Variants in RPS6KC1 observed in about 807,000 individuals in gnomAD.
RPS6KC1 encodes the protein ribosomal protein S6 kinase C1.
In RPS6KC1, 54 loss-of-function variants were observed where a neutral mutation model predicts 103.8. That is an observed-to-expected ratio of 0.52 (90% CI 0.42 to 0.65). The LOEUF is 0.65. RPS6KC1 is among the 30% of genes least tolerant of loss of function. The probability of loss-of-function intolerance (pLI) is 0.00; values close to 1 mark genes in which losing one functional copy is unlikely to be tolerated. For synonymous variants in RPS6KC1, 439 were observed against 438.7 expected (o/e 1.00, Z -0.01); for missense variants, 1,151 against 1,253.8 (o/e 0.92, Z 1.24).
chr1:213,633,677 G>C, the RPS6KC1 span, among the ~76,000 whole-genome samples: 5 of 151,482 alleles, frequency 3.3e-5, no homozygotes, highest in Non-Finnish European at 5.9e-5. Flanking sequence ...ATAATGACAG[G>C]ATCAAATTCA....
At chr1:213,352,070 C>G in the RPS6KC1 span, among the ~76,000 whole-genome samples, 1 of 151,742 alleles carries the variant, frequency 6.6e-6, no homozygotes, top group African/African-American at 2.4e-5. Flanking sequence ...AGGAAAGAAG[C>G]AAGGCAAAAA....
At chr1:213,700,137 C>T in the RPS6KC1 span, among the ~76,000 whole-genome samples, 1 of 151,712 alleles carries the variant, frequency 6.6e-6, no homozygotes, top group Non-Finnish European at 1.5e-5. Context: ...ATCCATATCT[C>T]GGAGGGTTTC....
intron 4 of RPS6KC1, among the ~76,000 whole-genome samples, chr1:213,110,958 T>C (rs1489898639): frequency 6.6e-6 from 1 of 152,084 alleles, no homozygotes; most frequent in Non-Finnish European, 1.5e-5. Flanking sequence ...TTTTTTTTTT[T>C]TCTGTGCTTC....
At chr1:213,321,944 C>T in the RPS6KC1 span, among the ~76,000 whole-genome samples, 1 of 152,114 alleles carries the variant, frequency 6.6e-6, no homozygotes, top group Non-Finnish European at 1.5e-5. Flanking sequence ...ATGCTGAGGG[C>T]CTCAAGGAGG....
chr1:213,542,773 C>A, the RPS6KC1 span, among the ~76,000 whole-genome samples: 2,596 of 152,266 alleles, frequency 0.017, 85 homozygotes, highest in African/African-American at 0.06. Flanking sequence ...ATTTTTAACA[C>A]CATATAATAG....
At chr1:213,778,779 G>C in the RPS6KC1 span, among the ~76,000 whole-genome samples, 1 of 151,958 alleles carries the variant, frequency 6.6e-6, no homozygotes. Context: ...TGTTACCAAG[G>C]GGTTCATTGT....
chr1:213,775,781 A>C, the RPS6KC1 span, among the ~76,000 whole-genome samples: 1 of 152,312 alleles, frequency 6.6e-6, no homozygotes, highest in East Asian at 1.9e-4. Context: ...AGTATGTGAC[A>C]CTGTTCCACA....
chr1:213,485,910 T>C, the RPS6KC1 span, among the ~76,000 whole-genome samples: 1 of 152,334 alleles, frequency 6.6e-6, no homozygotes, highest in South Asian at 2.1e-4. Context: ...TCATTTGTCA[T>C]TTACAAAAAG....
chr1:213,778,847 G>A, the RPS6KC1 span, among the ~76,000 whole-genome samples: 1 of 152,212 alleles, frequency 6.6e-6, no homozygotes, highest in East Asian at 1.9e-4. Flanking sequence ...TCTAGTCTCT[G>A]AGATGCCCAC....
At chr1:213,732,084 A>AT in the RPS6KC1 span, among the ~76,000 whole-genome samples, 2 of 151,852 alleles carry the variant, frequency 1.3e-5, no homozygotes, top group South Asian at 2.1e-4. Context: ...TATATCTTCC[A>AT]TTTTTTCTAT....
At chr1:213,410,649 G>C in the RPS6KC1 span, among the ~76,000 whole-genome samples, 26 of 152,162 alleles carry the variant, frequency 1.7e-4, no homozygotes, top group Non-Finnish European at 3.7e-4. Flanking sequence ...AGGAGCAGGG[G>C]AGTTTGATGG....
the RPS6KC1 span, among the ~76,000 whole-genome samples, chr1:213,604,970 C>G: frequency 6.6e-6 from 1 of 152,116 alleles, no homozygotes; most frequent in Non-Finnish European, 1.5e-5. Flanking sequence ...TCATCCTGTT[C>G]TCTCATATCT....
At chr1:213,056,377 T>C (rs2077331572) in intron 1 of RPS6KC1, among the ~76,000 whole-genome samples, 1 of 152,150 alleles carries the variant, frequency 6.6e-6, no homozygotes, top group Non-Finnish European at 1.5e-5. Context: ...TCACAGTGCT[T>C]TTAATCCCAA....
At chr1:213,576,067 G>T in the RPS6KC1 span, among the ~76,000 whole-genome samples, 1 of 152,074 alleles carries the variant, frequency 6.6e-6, no homozygotes, top group Non-Finnish European at 1.5e-5. Flanking sequence ...TTGCTGAAGG[G>T]TTGGGTGGAG....
At chr1:213,052,772 C>T (rs937047588) in intron 1 of RPS6KC1, among the ~76,000 whole-genome samples, 3 of 152,070 alleles carry the variant, frequency 2.0e-5, no homozygotes, top group Non-Finnish European at 4.4e-5. Context: ...GAAGTCCTGA[C>T]CTCAGTTGAT....
chr1:213,472,245 CTAAAT>C, the RPS6KC1 span, among the ~76,000 whole-genome samples: 1 of 151,974 alleles, frequency 6.6e-6, no homozygotes, highest in African/African-American at 2.4e-5. Context: ...AAATTTGTGT[CTAAAT>C]TAATAAAACA....
the RPS6KC1 span, among the ~76,000 whole-genome samples, chr1:213,445,742 C>T: frequency 3.0e-4 from 45 of 152,308 alleles, 1 homozygote; most frequent in Admixed American, 2.4e-3. Context: ...CCCACACTTT[C>T]GCCTGGGAAA....
At chr1:213,461,247 G>A in the RPS6KC1 span, among the ~76,000 whole-genome samples, 6 of 152,126 alleles carry the variant, frequency 3.9e-5, no homozygotes, top group Non-Finnish European at 1.5e-5. Context: ...ACCTCTTCAA[G>A]GAGAACTACA....
chr1:213,641,489 A>G, the RPS6KC1 span, among the ~76,000 whole-genome samples: 1 of 152,004 alleles, frequency 6.6e-6, no homozygotes, highest in African/African-American at 2.4e-5. Flanking sequence ...TGTCAGTTCC[A>G]CTTTTAGTCT....
Sources: gnomAD v4.1 joint callset for allele counts (sites outside exome capture counted in the v4.1 genomes callset) on GRCh38, gnomAD v4.1.1 for gene constraint, MANE v1.5 for transcripts, NCBI Gene and HGNC (gene_info 2026-07-23, HGNC 2026-07-21) for gene names.